The following RAD51D variants were observed in gnomAD, a reference collection of about 807,000 sequenced individuals.
RAD51D encodes the protein DNA repair protein RAD51 homolog 4.
In RAD51D, 38 loss-of-function variants were observed where a neutral mutation model predicts 44.1. The ratio of observed to expected loss-of-function variants is 0.86; its 90% confidence interval spans 0.67 to 1.13. The LOEUF (loss-of-function observed/expected upper bound fraction) is 1.13, where lower values mean the gene tolerates loss of function less well. RAD51D is among the 50% of genes most tolerant of loss of function. RAD51D has a pLI of 0.00. For missense variants in RAD51D, 390 were observed against 414.0 expected, an observed-to-expected ratio of 0.94 and a Z score of 0.50; for synonymous variants, 141 against 166.6, an observed-to-expected ratio of 0.85 and a Z score of 1.18.
intron 3 of RAD51D, among the ~76,000 whole-genome samples, chr17:35,111,101 AGG>A (rs2091669813): frequency 4.5e-5 from 6 of 133,952 alleles, no homozygotes; most frequent in African/African-American, 1.7e-4. Context: ...AACTCAGGCC[AGG>A]CGCGTTGACT....
chr17:35,104,421 G>C (rs1421630802), intron 6 of RAD51D, among the ~76,000 whole-genome samples: 1 of 152,162 alleles, frequency 6.6e-6, no homozygotes, highest in African/African-American at 2.4e-5. Context: ...TGTCACCCAG[G>C]CTGGAGTGCA....
rs2091520367 is a variant in RAD51D, at chr17:35,100,445, T to A, written c.*508A>T. 1.9e-6 allele frequency: 1 copy of A among 534,796 alleles called. No homozygotes were observed. The highest frequency in any genetic ancestry group is 3.6e-6 in the Non-Finnish European group (1 of 276,764). The allele number at this position is 534,796 out of a possible 1,614,324, so 33.1% of individuals were successfully genotyped here. ...GAGATGAAGAAGAGTATTTCATTTA[T>A]AAGCTTATTTCCACCCAGTAACTCA... On this transcript the variant is annotated 3_prime_UTR_variant, in exon 10 of 10. Transcript: ENST00000345365.
intron 6 of RAD51D, among the ~76,000 whole-genome samples, chr17:35,105,168 A>G (rs1039894255): frequency 3.9e-5 from 6 of 152,218 alleles, no homozygotes; most frequent in Non-Finnish European, 1.5e-5. Flanking sequence ...AACTTTGGTC[A>G]ACTCACTTCA....
At chr17:35,113,598 A>T (rs2142455098) in intron 3 of RAD51D, 1 of 442,018 alleles carries the variant, frequency 2.3e-6, no homozygotes. Flanking sequence ...GGGACTCCCC[A>T]TGATTATACC....
intron 6 of RAD51D, among the ~76,000 whole-genome samples, chr17:35,104,320 T>C (rs187264334): frequency 6.6e-6 from 1 of 152,300 alleles, no homozygotes; most frequent in East Asian, 1.9e-4. Context: ...TTTAGCCTTC[T>C]CTTTACTTCA....
chr17:35,102,322 G>A (rs1473475249), intron 8 of RAD51D, among the ~76,000 whole-genome samples: 2 of 151,752 alleles, frequency 1.3e-5, no homozygotes, highest in African/African-American at 2.4e-5. Flanking sequence ...TGTATTTTTT[G>A]TAGAGGTGGG....
In RAD51D at chr17:35,100,670, C is replaced by T. The variant is rs1185845198; in HGVS notation, c.*283G>A. 1.7e-6 allele frequency: 1 copy of T among 583,662 alleles called. No individual in the cohort carries two copies. Among genetic ancestry groups the T allele is most frequent in the Non-Finnish European group, 3.2e-6 (1 of 315,032 alleles). The allele number at this position is 583,662 out of a possible 1,614,324, so 36.2% of individuals were successfully genotyped here. On this transcript the variant is annotated 3_prime_UTR_variant, in exon 10 of 10. Coordinates refer to ENST00000345365, the MANE Select transcript of RAD51D (RefSeq NM_002878.4). ...CATGCCTCATCAGAGATGCTCCCAG[C>T]CAGGGTGAACTTGGTTTCCACCAGA...
At chr17:35,116,541 C>A (rs1362889779) in intron 3 of RAD51D, among the ~76,000 whole-genome samples, 1 of 152,126 alleles carries the variant, frequency 6.6e-6, no homozygotes, top group Non-Finnish European at 1.5e-5. Context: ...GTTGCCCAGG[C>A]TGGAGTGCAG....
intron 8 of RAD51D, among the ~76,000 whole-genome samples, chr17:35,102,052 T>C (rs1475013408): frequency 6.6e-6 from 1 of 152,218 alleles, no homozygotes; most frequent in African/African-American, 2.4e-5. Flanking sequence ...GTAAATTTTA[T>C]GTTACATGTA....
At chr17:35,104,880 G>C (rs1406947469) in intron 6 of RAD51D, 2 of 150,402 alleles carry the variant, frequency 1.3e-5, no homozygotes, top group Admixed American at 6.7e-5. Flanking sequence ...TGCTGCCCAG[G>C]CTGGTCCTGA....
intron 3 of RAD51D, among the ~76,000 whole-genome samples, chr17:35,111,478 T>C (rs994160992): frequency 6.6e-6 from 1 of 152,044 alleles, no homozygotes; most frequent in African/African-American, 2.4e-5. Flanking sequence ...GGTGGAAGGA[T>C]TGCCTGAGCC....
chr17:35,119,475 G>A (rs2142479503), intron 1 of RAD51D, 57 bp downstream of exon 1: 1 of 1,579,338 alleles, frequency 6.3e-7, no homozygotes, highest in Non-Finnish European at 8.6e-7. Flanking sequence ...AGCCCTCGGG[G>A]CCTGCCCAGG....
In RAD51D at chr17:35,119,543, C is replaced by T. The variant is rs947444435; in HGVS notation, c.71G>A (p.Arg24Lys). ...GCACACCCGGTCACCTGTCTTGATC[C>T]TGTGGCTCCTGAGAAGCTGGATCAT... ...EEMIQLLRSH[R>K]IKTVVDLVSA... Residue 24 changes from arginine (R) to lysine (K), a missense_variant, in exon 1 of 10, where the codon AGG becomes AAG. Arg to Lys is a conservative substitution (Grantham distance 26). Transcript: ENST00000345365. The T allele has an allele frequency of 1.9e-6, 3 of 1,612,354 alleles. No individual in the cohort carries two copies. The highest frequency in any genetic ancestry group is 2.5e-6 in the Non-Finnish European group (3 of 1,179,930).
Position 35,096,580 on chromosome 17 carries a change from C to CCAGG in RAD51D, c.*4369_*4372dup, listed in dbSNP as rs1234957598. 1 of 152,214 alleles carries CCAGG rather than the reference C, an allele frequency of 6.6e-6. No homozygotes were observed. Among genetic ancestry groups the CCAGG allele is most frequent in the Non-Finnish European group, 1.5e-5 (1 of 68,060 alleles). 9.4% of individuals were successfully genotyped at this position (152,214 alleles called of 1,614,324 possible). On this transcript the variant is annotated 3_prime_UTR_variant, in exon 10 of 10. Coordinates refer to ENST00000345365, the MANE Select transcript of RAD51D (RefSeq NM_002878.4). Reference sequence around the variant, plus strand: ...TTATCAGAGATAATAAGTGTCCCTGCCAGGCATGGTGGCTCATGACTGTAA... The same window carrying CCAGG: ...TTATCAGAGATAATAAGTGTCCCTGCCAGGCAGGCATGGTGGCTCATGACTGTAA...
At chr17:35,114,943 T>G (rs980264016) in intron 3 of RAD51D, among the ~76,000 whole-genome samples, 1 of 152,202 alleles carries the variant, frequency 6.6e-6, no homozygotes, top group African/African-American at 2.4e-5. Flanking sequence ...GAAGCACTGG[T>G]GTTGACTCTA....
chr17:35,099,726 AC>A lies in RAD51D; in HGVS notation c.*1226del, dbSNP rs1460077942. The A allele has an allele frequency of 1.5e-5, 6 of 399,120 alleles. No homozygotes were observed. In the East Asian group the frequency reaches 2.6e-4, roughly 17 times the overall value. The allele number at this position is 399,120 out of a possible 1,614,324, so 24.7% of individuals were successfully genotyped here. The stretch of plus-strand genomic sequence containing the variant: ...CAAGACATAACTGATTAATTACACA[AC>A]AGGCTCTCTAACCAAGAAAGATGAC... On this transcript the variant is annotated 3_prime_UTR_variant, in exon 10 of 10. Coordinates refer to ENST00000345365, the MANE Select transcript of RAD51D (RefSeq NM_002878.4).
chr17:35,118,412 T>TC, intron 3 of RAD51D, 89 bp downstream of exon 3: 1 of 1,118,648 alleles, frequency 8.9e-7, no homozygotes, highest in African/African-American at 1.6e-5. Flanking sequence ...AAAAAACCCC[T>TC]CCCGTCTAGA....
At chr17:35,115,027 A>G (rs920600802) in intron 3 of RAD51D, among the ~76,000 whole-genome samples, 21 of 152,130 alleles carry the variant, frequency 1.4e-4, no homozygotes, top group Non-Finnish European at 2.5e-4. Context: ...CTTCCAGCCA[A>G]CTTCTCACCT....
intron 3 of RAD51D, 102 bp from the exon 4 acceptor site, chr17:35,107,549 T>C: frequency 1.0e-6 from 1 of 980,552 alleles, no homozygotes; most frequent in South Asian, 1.3e-5. Flanking sequence ...GCACTGGTTC[T>C]GTCTTTGAAC....
Sources: allele counts gnomAD v4.1 joint callset (sites outside exome capture counted in the v4.1 genomes callset), GRCh38; gene constraint gnomAD v4.1.1; transcripts MANE v1.5; gene names NCBI Gene and HGNC (gene_info 2026-07-23, HGNC 2026-07-21).